RGPD4: variants seen among roughly 807,000 people sequenced by gnomAD.
RGPD4 encodes the protein RANBP2 like and GRIP domain containing 4.
A neutral mutation model predicts 141.1 loss-of-function variants in RGPD4; 84 were observed. The ratio of observed to expected loss-of-function variants is 0.60; its 90% CI spans 0.50 to 0.71. RGPD4 has a LOEUF of 0.71. Among genes scored for constraint, RGPD4 ranks in the 30% least tolerant of loss-of-function variants. The probability of loss-of-function intolerance (pLI) is 0.00; values close to 1 mark genes in which losing one functional copy is unlikely to be tolerated. For synonymous variants in RGPD4, 298 were observed against 566.8 expected (o/e 0.53, Z 6.74); for missense variants, 918 against 1,622.4 (o/e 0.57, Z 7.46).
intron 22 of RGPD4, among the ~76,000 whole-genome samples, chr2:107,889,424 T>A (rs1675592531): frequency 7.7e-6 from 1 of 130,000 alleles, no homozygotes; most frequent in Non-Finnish European, 1.6e-5. Context: ...GGTACAGCCA[T>A]GCAATTGAAT....
chr2:107,854,735 A>T, intron 8 of RGPD4, 92 bp downstream of exon 8: 2 of 1,547,606 alleles, frequency 1.3e-6, no homozygotes, highest in Non-Finnish European at 1.7e-6. Flanking sequence ...TGTCCAGGAG[A>T]TAATTTGTCA....
At chr2:107,883,295 T>C (rs1573534839) in intron 22 of RGPD4, 2 of 385,026 alleles carry the variant, frequency 5.2e-6, no homozygotes, top group East Asian at 1.4e-4. Context: ...CAACACTTGG[T>C]CTATATACAG....
At chr2:107,865,601 A>G (rs1682700394) in intron 17 of RGPD4, among the ~76,000 whole-genome samples, 2 of 152,054 alleles carry the variant, frequency 1.3e-5, no homozygotes, top group South Asian at 2.1e-4. Context: ...CAAGTGTAGA[A>G]TGGAAATGAA....
chr2:107,827,476 G>A (rs1681255017), intron 1 of RGPD4, among the ~76,000 whole-genome samples: 1 of 36,792 alleles, frequency 2.7e-5, no homozygotes, highest in Non-Finnish European at 5.5e-5. Flanking sequence ...CTGCTCCCTG[G>A]CGCGCTCTGT....
chr2:107,827,566 G>A (rs1295093777), intron 1 of RGPD4, among the ~76,000 whole-genome samples: 9 of 45,364 alleles, frequency 2.0e-4, no homozygotes, highest in East Asian at 1.2e-3. Flanking sequence ...CTGCTCCCTG[G>A]CGCGCTCTGT....
At chr2:107,857,748 T>C (rs1195728790) in intron 9 of RGPD4, among the ~76,000 whole-genome samples, 1 of 151,548 alleles carries the variant, frequency 6.6e-6, no homozygotes, top group Non-Finnish European at 1.5e-5. Flanking sequence ...TCCCAGCACT[T>C]TGGGAGGCCG....
At chr2:107,827,523 CGATG>C (rs1681258287) in intron 1 of RGPD4, among the ~76,000 whole-genome samples, 1 of 40,326 alleles carries the variant, frequency 2.5e-5, no homozygotes, top group African/African-American at 1.5e-4. Flanking sequence ...GTGGCGGCCT[CGATG>C]GCTCAGGCGT....
intron 20 of RGPD4, among the ~76,000 whole-genome samples, chr2:107,878,488 C>A (rs4012351): frequency 6.6e-6 from 1 of 151,646 alleles, no homozygotes; most frequent in African/African-American, 2.4e-5. Context: ...TAAACTTGGT[C>A]TGTTACTCTG....
At chr2:107,833,682 G>T (rs897884849) in intron 1 of RGPD4, among the ~76,000 whole-genome samples, 1 of 150,668 alleles carries the variant, frequency 6.6e-6, no homozygotes, top group Non-Finnish European at 1.5e-5. Flanking sequence ...AGCAAAGAAG[G>T]TAATGGAATT....
intron 22 of RGPD4, among the ~76,000 whole-genome samples, chr2:107,888,897 G>A (rs1047070241): frequency 1.4e-5 from 2 of 142,114 alleles, no homozygotes; most frequent in African/African-American, 5.6e-5. Context: ...AGCCCTGTGA[G>A]AGACCTTGAA....
chr2:107,869,808 A>T, intron 18 of RGPD4, 75 bp from the exon 19 acceptor site: 1 of 1,523,320 alleles, frequency 6.6e-7, no homozygotes, highest in South Asian at 1.3e-5. Context: ...TTGTATTTGT[A>T]GCTCTTGACT....
intron 1 of RGPD4, among the ~76,000 whole-genome samples, chr2:107,833,816 A>G (rs1325476191): frequency 6.6e-6 from 1 of 152,158 alleles, no homozygotes; most frequent in Non-Finnish European, 1.5e-5. Context: ...AGGAAGTCAG[A>G]TTACAAGGTC....
intron 1 of RGPD4, among the ~76,000 whole-genome samples, chr2:107,827,880 C>T: frequency 4.3e-5 from 1 of 23,454 alleles, no homozygotes; most frequent in South Asian, 2.5e-3. Flanking sequence ...GTTGAGGCAG[C>T]GGCCTCGACC....
chr2:107,827,613 C>G (rs1198512057), intron 1 of RGPD4, among the ~76,000 whole-genome samples: 2 of 59,026 alleles, frequency 3.4e-5, no homozygotes, highest in East Asian at 3.2e-4. Flanking sequence ...GCGGCGGCCT[C>G]GATGGCTCAG....
chr2:107,886,528 A>C (rs1461227206), intron 22 of RGPD4, among the ~76,000 whole-genome samples: 1 of 149,148 alleles, frequency 6.7e-6, no homozygotes, highest in Non-Finnish European at 1.5e-5. Context: ...ATCTGCCTTC[A>C]CTGAAAATTC....
At chr2:107,845,432 G>A (rs1437625439) in intron 6 of RGPD4, among the ~76,000 whole-genome samples, 2 of 150,382 alleles carry the variant, frequency 1.3e-5, no homozygotes, top group African/African-American at 5.0e-5. Flanking sequence ...CCCTCAGAGG[G>A]GGAGGCTCAG....
intron 7 of RGPD4, among the ~76,000 whole-genome samples, chr2:107,853,526 C>A (rs1682187369): frequency 7.4e-6 from 1 of 135,826 alleles, no homozygotes; most frequent in Admixed American, 7.6e-5. Flanking sequence ...ATTATCCATA[C>A]TCTGAAAATG....
chr2:107,859,578 G>A, intron 11 of RGPD4, 24 bp downstream of exon 11: 3 of 1,611,434 alleles, frequency 1.9e-6, no homozygotes, highest in East Asian at 4.5e-5. Flanking sequence ...CAAAAATATT[G>A]CTTTCACTTA....
chr2:107,876,277 G>GA (rs1189860782), intron 20 of RGPD4, among the ~76,000 whole-genome samples: 3 of 151,234 alleles, frequency 2.0e-5, no homozygotes, highest in Non-Finnish European at 2.9e-5. Context: ...CAAAAGAGAA[G>GA]AAAAAACCTG....
Sources: gnomAD v4.1 joint callset for allele counts (sites outside exome capture counted in the v4.1 genomes callset) on GRCh38, gnomAD v4.1.1 for gene constraint, MANE v1.5 for transcripts, NCBI Gene and HGNC (gene_info 2026-07-23, HGNC 2026-07-21) for gene names.